Variants in PCK2 observed in about 807,000 individuals in gnomAD.
PCK2 encodes phosphoenolpyruvate carboxykinase [GTP], mitochondrial.
Under a neutral mutation model 65.9 loss-of-function variants are expected in PCK2, and 56 were observed. The observed-to-expected ratio is 0.85, with a 90% CI of 0.69 to 1.06. The LOEUF is 1.06. Among genes scored for constraint, PCK2 ranks in the 50% least tolerant of loss-of-function variants. The probability of loss-of-function intolerance (pLI) is 0.00; values close to 1 mark genes in which losing one functional copy is unlikely to be tolerated. For missense variants in PCK2, 843 were observed against 863.1 expected (o/e 0.98, Z 0.29); for synonymous variants, 305 against 319.6 (o/e 0.95, Z 0.49).
intron 6 of PCK2, 134 bp downstream of exon 6, chr14:24,099,854 C>A: frequency 6.4e-7 from 1 of 1,552,316 alleles, no homozygotes; most frequent in Non-Finnish European, 8.9e-7. Flanking sequence ...CCTCTGGCAG[C>A]CCAGCCACCC....
At position 24,100,064 on chromosome 14, in the gene PCK2, A is replaced by G; in HGVS notation, c.1085A>G (p.Asn362Ser). The change falls in exon 7 of 10, where the codon AAT becomes AGT. Residue 362 changes from asparagine (N) to serine (S), a missense_variant. Transcript: ENST00000216780. ...GCCCCTGGTACCTCTGCCACCACCA[A>G]TCCCAACGCCATGGCTACAATCCAG... ...GVAPGTSATT[N>S]PNAMATIQSN... is the part of the protein sequence containing the mutation. 3 of 1,613,224 alleles carry G rather than the reference A, an allele frequency of 1.9e-6. No homozygotes were observed. The East Asian group carries it at 6.7e-5, about 36-fold the overall frequency.
In PCK2 at chr14:24,099,206, G is replaced by T. The variant is rs929127881; in HGVS notation, c.822G>T (p.Arg274=). ...FALRIASRLA[R]DEGWLAEHML... The stretch of plus-strand genomic sequence containing the variant: ...TACGCATCGCCTCTCGGCTGGCCCG[G>T]GATGAGGGCTGGCTGGCAGAGCACA... The change falls in exon 5 of 10, where the codon CGG becomes CGT. Residue 274 remains arginine, a synonymous_variant. Coordinates refer to ENST00000216780, the MANE Select transcript of PCK2 (RefSeq NM_004563.4). 1.2e-5 allele frequency: 20 copies of T among 1,600,854 alleles called. No individual in the cohort carries two copies. Among genetic ancestry groups the T allele is most frequent in the Non-Finnish European group, 1.7e-5 (20 of 1,176,908 alleles).
chr14:24,096,742 A>G, intron 1 of PCK2, 150 bp from the exon 2 acceptor site: 1 of 706,206 alleles, frequency 1.4e-6, no homozygotes, highest in South Asian at 1.7e-5. Context: ...TCCTGAACAC[A>G]TCCCACACAC....
Position 24,094,712 on chromosome 14 carries a change from T to C in PCK2, c.29+278T>C. ...TGCCACTCTCAGAACTTCCTCTCTC[T>C]CCTCGCTCCTCTCTGCTGAGCCAGG... On this transcript the variant is annotated intron_variant, in intron 1 of 9. Coordinates refer to ENST00000216780, the MANE Select transcript of PCK2 (RefSeq NM_004563.4). The surrounding 1 kb of genome is among the most constrained non-coding windows in gnomAD (Gnocchi z 4.1). 1 of 1,501,908 alleles carries C rather than the reference T, an allele frequency of 6.7e-7. No homozygotes were observed. The highest frequency in any genetic ancestry group is 1.2e-5 in the South Asian group (1 of 82,866). 93.0% of individuals were successfully genotyped at this position (1,501,908 alleles called of 1,614,324 possible).
Position 24,099,698 on chromosome 14 carries a change from T to C in PCK2, c.993T>C (p.Ala331=). The part of the protein sequence containing the change: ...WKVECVGDDI[A]WMRFDSEGRL... ...TGGAGTGTGTGGGGGATGATATTGC[T>C]TGGATGAGGTTTGACAGTGAAGGTG... The change falls in exon 6 of 10, where the codon GCT becomes GCC. Residue 331 remains alanine, a synonymous_variant. Transcript: ENST00000216780. 6.2e-7 allele frequency: 1 copy of C among 1,613,764 alleles called. No homozygotes were observed. The highest frequency in any genetic ancestry group is 8.5e-7 in the Non-Finnish European group (1 of 1,179,706).
chr14:24,099,786 G>C (rs769713328), intron 6 of PCK2, 66 bp downstream of exon 6: 5 of 1,533,070 alleles, frequency 3.3e-6, no homozygotes, highest in Non-Finnish European at 4.5e-6. Flanking sequence ...CTCCTCTCTA[G>C]TGTTCACAAT....
intron 1 of PCK2, among the ~76,000 whole-genome samples, chr14:24,095,645 G>A (rs1005270536): frequency 6.6e-6 from 1 of 152,198 alleles, no homozygotes; most frequent in Non-Finnish European, 1.5e-5. Context: ...TCCTGGGTGT[G>A]GGGGCAGTTT....
chr14:24,101,344 G>A (rs941876196), intron 7 of PCK2, among the ~76,000 whole-genome samples: 11 of 152,212 alleles, frequency 7.2e-5, no homozygotes, highest in Admixed American at 7.2e-4. Context: ...GCGGATGGGA[G>A]AGGGTGGGGA....
chr14:24,103,094 C>A, intron 8 of PCK2, 66 bp from the exon 9 acceptor site: 1 of 1,347,480 alleles, frequency 7.4e-7, no homozygotes, highest in Non-Finnish European at 1.1e-6. Context: ...GTCAAGCTCA[C>A]CAGAAGGGCT....
rs773403806 is a variant in PCK2 at position 24,103,891 on chromosome 14, AG to A, written c.1852del (p.Val618SerfsTer28). ...GACATTCGGAGCTACCTGACAGAGC[AG>A]GTCAACCAGGATCTGCCCAAAGAGG... ...VRDIRSYLTE[Q>X]VNQDLPKEVL... On this transcript the variant is annotated frameshift_variant, in exon 10 of 10. Coordinates refer to ENST00000216780, the MANE Select transcript of PCK2 (RefSeq NM_004563.4). LOFTEE classifies it high-confidence loss of function. The A allele has an allele frequency of 6.2e-7, 1 of 1,614,172 alleles. No individual in the cohort carries two copies. The highest frequency in any genetic ancestry group is 8.5e-7 in the Non-Finnish European group (1 of 1,180,024).
chr14:24,095,364 C>A, intron 1 of PCK2: 1 of 403,822 alleles, frequency 2.5e-6, no homozygotes, highest in Admixed American at 2.6e-5. Context: ...CCCTCTGAGG[C>A]AGGAACAGAC....
In PCK2 at chr14:24,094,646, C is replaced by A. The variant is rs1002966879; in HGVS notation, c.29+212C>A. ...GCTCCTCGTTTCCGCCTGCACCTCC[C>A]CTTCTCTGCCTCGCTCGCCTCTGAC... is the stretch of plus-strand genomic sequence containing the variant. On this transcript the variant is annotated intron_variant, in intron 1 of 9. Coordinates refer to ENST00000216780, the MANE Select transcript of PCK2 (RefSeq NM_004563.4). The surrounding 1 kb of genome is among the most constrained non-coding windows in gnomAD (Gnocchi z 4.1). 1 of 1,491,656 alleles carries A rather than the reference C, an allele frequency of 6.7e-7. No individual in the cohort carries two copies. The highest frequency in any genetic ancestry group is 1.4e-5 in the African/African-American group (1 of 72,054). The allele number at this position is 1,491,656 out of a possible 1,614,324, so 92.4% of individuals were successfully genotyped here.
At chr14:24,094,278 C>A, upstream of PCK2, 1 of 918,196 alleles carries the variant, frequency 1.1e-6, no homozygotes, top group Non-Finnish European at 1.6e-6. This position sits in a 1 kb window ranked among gnomAD's most constrained non-coding sequence, Gnocchi z 4.1. Flanking sequence ...GCCTGCCCCC[C>A]TCCTTTTTAA....
At chr14:24,098,171 C>T (rs763944930) in intron 2 of PCK2, 32 bp from the exon 3 acceptor site, 1 of 1,561,030 alleles carries the variant, frequency 6.4e-7, no homozygotes, top group South Asian at 1.2e-5. Context: ...ACCTGCTGGC[C>T]ACCATCTTCC....
Position 24,098,464 on chromosome 14 carries a change from T to G in PCK2, c.461-11T>G, listed in dbSNP as rs377110911. The G allele has an allele frequency of 3.2e-5, 52 of 1,613,746 alleles. No homozygotes were observed. In the African/African-American group the frequency reaches 4.4e-4, roughly 14 times the overall value. On this transcript the variant is annotated splice_polypyrimidine_tract_variant and intron_variant, in intron 3 of 9. Coordinates refer to ENST00000216780, the MANE Select transcript of PCK2 (RefSeq NM_004563.4). ...TGGAACCCTTCATCCAGGGGATGCC[T>G]TCCTCCACAGGCCGCACCATGTATG... is the stretch of plus-strand genomic sequence containing the variant.
In PCK2 at chr14:24,103,600, G is replaced by A; in HGVS notation, c.1559G>A (p.Gly520Glu). ...HYLEHWLSME[G>E]RKGAQLPRIF... The stretch of plus-strand genomic sequence containing the variant: ...CTGGAACACTGGCTGAGCATGGAAG[G>A]GCGCAAGGGGGCCCAGCTGCCCCGT... The change falls in exon 10 of 10, where the codon GGG (glycine) becomes GAG (glutamate). Residue 520 changes from glycine to glutamate, a missense_variant. Transcript: ENST00000216780. The A allele has an allele frequency of 1.9e-6, 3 of 1,611,274 alleles. No homozygotes were observed. Among genetic ancestry groups the A allele is most frequent in the Non-Finnish European group, 2.5e-6 (3 of 1,178,102 alleles).
At position 24,103,615 on chromosome 14, in the gene PCK2, A is replaced by C. The variant is rs955284017; in HGVS notation, c.1574A>C (p.Gln525Pro). ...WLSMEGRKGA[Q>P]LPRIFHVNWF... ...AGCATGGAAGGGCGCAAGGGGGCCC[A>C]GCTGCCCCGTATCTTCCATGTCAAC... The change falls in exon 10 of 10, where the codon CAG (glutamine) becomes CCG (proline). Residue 525 changes from glutamine (Q) to proline (P), a missense_variant. Coordinates refer to ENST00000216780, the MANE Select transcript of PCK2 (RefSeq NM_004563.4). The C allele has an allele frequency of 3.7e-6, 6 of 1,613,474 alleles. No homozygotes were observed. Among genetic ancestry groups the C allele is most frequent in the Middle Eastern group, 3.3e-4 (2 of 6,076 alleles).
In PCK2 at chr14:24,094,581, C is replaced by T; in HGVS notation, c.29+147C>T. The stretch of plus-strand genomic sequence containing the variant: ...CAGGGGCGACTGCTGTGGGTCCAGC[C>T]TCCCGCGCCGCGCGTCTCTTGGGAG... On this transcript the variant is annotated intron_variant, in intron 1 of 9. Transcript: ENST00000216780. The surrounding 1 kb of genome is among the most constrained non-coding windows in gnomAD (Gnocchi z 4.1). The T allele has an allele frequency of 1.4e-6, 2 of 1,451,702 alleles. No homozygotes were observed. Among genetic ancestry groups the T allele is most frequent in the South Asian group, 1.4e-5 (1 of 69,830 alleles). The allele number at this position is 1,451,702 out of a possible 1,614,324, so 89.9% of individuals were successfully genotyped here.
chr14:24,099,258 G>A, intron 5 of PCK2, 22 bp downstream of exon 5: 1 of 1,580,048 alleles, frequency 6.3e-7, no homozygotes, highest in Non-Finnish European at 8.6e-7. Context: ...GTGAGAAGCA[G>A]GGCAGCTGCC....
Sources: allele counts gnomAD v4.1 joint callset (sites outside exome capture counted in the v4.1 genomes callset), GRCh38; gene constraint gnomAD v4.1.1; non-coding constraint Gnocchi (gnomAD v3.1); transcripts MANE v1.5; gene names NCBI Gene and HGNC (gene_info 2026-07-23, HGNC 2026-07-21).